Variants in TMEM185A observed in about 807,000 individuals in gnomAD.
TMEM185A encodes the protein family with sequence similarity 11, member A.
In TMEM185A, 9 loss-of-function variants were observed where a neutral mutation model predicts 25.0. That is an observed-to-expected ratio of 0.36 (90% confidence interval 0.22 to 0.63). The LOEUF is 0.63. Among genes scored for constraint, TMEM185A ranks in the 20% least tolerant of loss-of-function variants. The probability of loss-of-function intolerance (pLI) is 0.68; values close to 1 mark genes in which losing one functional copy is unlikely to be tolerated. For missense variants in TMEM185A, 103 were observed against 237.4 expected (o/e 0.43, Z 3.72); for synonymous variants, 45 against 93.5 (o/e 0.48, Z 2.99).
intron 1 of TMEM185A, among the ~76,000 whole-genome samples, chrX:149,619,643 C>A (rs1557355369): frequency 9.3e-6 from 1 of 107,640 alleles, no homozygotes; most frequent in Non-Finnish European, 1.9e-5. Context: ...CTAATGCTAT[C>A]CCTCCCCCCA....
intron 1 of TMEM185A, among the ~76,000 whole-genome samples, chrX:149,615,425 T>TC (rs2090105356): frequency 9.0e-6 from 1 of 111,574 alleles, no homozygotes; most frequent in Admixed American, 9.5e-5. Flanking sequence ...ACACATCTAT[T>TC]CAACATTGTA....
At chrX:149,611,000 C>T (rs1294629356) in intron 2 of TMEM185A, among the ~76,000 whole-genome samples, 1 of 111,869 alleles carries the variant, frequency 8.9e-6, no homozygotes, top group Non-Finnish European at 1.9e-5. Flanking sequence ...TTTCATGCTG[C>T]TTAGTCTAGT....
At chrX:149,602,139 T>C (rs1242392273) in intron 4 of TMEM185A, 2 of 104,604 alleles carry the variant, frequency 1.9e-5, no homozygotes, top group Non-Finnish European at 2.0e-5. Context: ...GTTTTGAGTT[T>C]TTAAGAGTTC....
At chrX:149,617,281 C>T (rs1310063216) in intron 1 of TMEM185A, among the ~76,000 whole-genome samples, 1 of 111,649 alleles carries the variant, frequency 9.0e-6, no homozygotes, top group Non-Finnish European at 1.9e-5. Context: ...CAAAAGATAC[C>T]TATCATTAAC....
Position 149,611,482 on chromosome X carries a change from G to C in TMEM185A, c.39-19C>G. On this transcript the variant is annotated intron_variant, in intron 1 of 6. Coordinates refer to ENST00000600449, the MANE Select transcript of TMEM185A (RefSeq NM_032508.4). ...GAATTTACTAGGAGAAAAGTAAAAC[G>C]ATTAAGAAGGATTCACTTTTACAAA... 1.7e-6 allele frequency: 2 copies of C among 1,161,727 alleles called. No individual in the cohort carries two copies. The highest frequency in any genetic ancestry group is 2.3e-6 in the Non-Finnish European group (2 of 867,607).
At chrX:149,621,239 G>A (rs1313353600) in intron 1 of TMEM185A, among the ~76,000 whole-genome samples, 4 of 110,672 alleles carry the variant, frequency 3.6e-5, no homozygotes, top group African/African-American at 9.8e-5. Context: ...GGTGGTAAAT[G>A]CTGTAAGCTA....
chrX:149,605,816 G>A (rs953121974), intron 3 of TMEM185A, among the ~76,000 whole-genome samples: 3 of 111,719 alleles, frequency 2.7e-5, no homozygotes, highest in Non-Finnish European at 3.8e-5. Context: ...CCCGCCTCCA[G>A]CCCAAACGCC....
chrX:149,628,996 T>C (rs2090177732), intron 1 of TMEM185A, among the ~76,000 whole-genome samples: 1 of 112,109 alleles, frequency 8.9e-6, no homozygotes, highest in Admixed American at 9.4e-5. Context: ...CTTGACCCCA[T>C]GGAGCTTAAA....
At chrX:149,627,966 A>T (rs1022003579) in intron 1 of TMEM185A, among the ~76,000 whole-genome samples, 1 of 112,268 alleles carries the variant, frequency 8.9e-6, no homozygotes, top group Non-Finnish European at 1.9e-5. Flanking sequence ...AAGAGACAAG[A>T]TAACTTATAT....
chrX:149,629,714 A>C (rs1395545248), intron 1 of TMEM185A, among the ~76,000 whole-genome samples: 2 of 112,122 alleles, frequency 1.8e-5, no homozygotes, highest in African/African-American at 6.5e-5. Flanking sequence ...TTCATATACT[A>C]ATTTTTTTGG....
chrX:149,607,797 T>G (rs139458095), intron 3 of TMEM185A, among the ~76,000 whole-genome samples: 1,394 of 111,782 alleles, frequency 0.012, 21 homozygotes, highest in African/African-American at 0.043. Context: ...GAGTGTCAAC[T>G]TGGCTGGGCT....
chrX:149,605,471 TTGTCACTTTCTATGGCCTCCCA>T (rs1569560960), intron 3 of TMEM185A, among the ~76,000 whole-genome samples: 517 of 51,669 alleles, frequency 0.01, 5 homozygotes, highest in African/African-American at 0.022. Flanking sequence ...ATGGCCTCCC[TTGTCACTTTCTATGGCCTCCCA>T]TGTCACTTTC....
intron 1 of TMEM185A, among the ~76,000 whole-genome samples, chrX:149,618,553 G>A (rs1328043836): frequency 9.0e-6 from 1 of 111,285 alleles, no homozygotes; most frequent in Non-Finnish European, 1.9e-5. Context: ...CTAAATCAGT[G>A]GCTCTCAAAG....
intron 1 of TMEM185A, among the ~76,000 whole-genome samples, chrX:149,627,746 T>C (rs1403894083): frequency 4.4e-5 from 5 of 112,591 alleles, no homozygotes; most frequent in Non-Finnish European, 7.5e-5. Flanking sequence ...CATTTCTGCT[T>C]CTTCCACTAG....
intron 1 of TMEM185A, among the ~76,000 whole-genome samples, chrX:149,612,872 G>A (rs782253999): frequency 1.8e-5 from 2 of 111,891 alleles, no homozygotes; most frequent in South Asian, 3.8e-4. Context: ...GGCCTCTCCT[G>A]GGTCCTTGTA....
rs1557353208 is a variant in TMEM185A at position 149,605,422 on chromosome X, TGGCCTCCC to T, written c.424-1360_424-1353del. Among the ~76,000 whole-genome samples the T allele has an allele frequency of 3.1e-5, 3 of 97,610 alleles. No homozygotes were observed. In the East Asian group the frequency reaches 1.1e-3, roughly 35 times the overall value. 84.8% of individuals were successfully genotyped at this position (97,610 alleles called of 115,157 possible). On this transcript the variant is annotated intron_variant, in intron 3 of 6. Transcript: ENST00000600449. The stretch of plus-strand genomic sequence containing the variant: ...CTATAGCCTCCCATGTCACTTTCTA[TGGCCTCCC>T]ATGTCACTATGGCCTCCCATGTCAC...
chrX:149,627,325 T>C (rs1481942132), intron 1 of TMEM185A, among the ~76,000 whole-genome samples: 1 of 112,787 alleles, frequency 8.9e-6, no homozygotes, highest in African/African-American at 3.2e-5. Context: ...CAGCCCTAAA[T>C]CCATTAAACC....
chrX:149,604,746 C>T (rs2090037215), intron 3 of TMEM185A, among the ~76,000 whole-genome samples: 1 of 111,520 alleles, frequency 9.0e-6, no homozygotes, highest in Non-Finnish European at 1.9e-5. Context: ...TGTGATCTGG[C>T]CTCCACCCCC....
chrX:149,612,658 C>T (rs150892715), intron 1 of TMEM185A, among the ~76,000 whole-genome samples: 9 of 112,130 alleles, frequency 8.0e-5, no homozygotes, highest in East Asian at 2.8e-4. Flanking sequence ...AAAGGCGAGA[C>T]GGGCTTGGTT....
Sources: gnomAD v4.1 joint callset for allele counts (sites outside exome capture counted in the v4.1 genomes callset) on GRCh38, gnomAD v4.1.1 for gene constraint, MANE v1.5 for transcripts, NCBI Gene and HGNC (gene_info 2026-07-23, HGNC 2026-07-21) for gene names.